CACNA1G: variants seen among roughly 807,000 people sequenced by gnomAD.
CACNA1G encodes calcium voltage-gated channel subunit alpha1 G.
A neutral mutation model predicts 219.4 loss-of-function variants in CACNA1G; 67 were observed. The observed-to-expected ratio is 0.31, with a 90% confidence interval of 0.25 to 0.37. The LOEUF (loss-of-function observed/expected upper bound fraction) is 0.37. Among genes scored for constraint, CACNA1G ranks in the 10% least tolerant of loss-of-function variants. The probability of loss-of-function intolerance (pLI) is 1.00; values close to 1 mark genes in which losing one functional copy is unlikely to be tolerated. For missense variants in CACNA1G, 2,380 were observed against 3,231.4 expected, an observed-to-expected ratio of 0.74 and a Z score of 6.39; for synonymous variants, 1,296 against 1,345.3, an observed-to-expected ratio of 0.96 and a Z score of 0.80.
chr17:50,610,186 C>A, intron 26 of CACNA1G, among the ~76,000 whole-genome samples: 1 of 152,202 alleles, frequency 6.6e-6, no homozygotes, highest in East Asian at 1.9e-4. Flanking sequence ...CTTCCTTGGC[C>A]GGCCAAGCTC....
chr17:50,619,631 C>A, intron 33 of CACNA1G, 52 bp from the exon 34 acceptor site: 1 of 1,568,720 alleles, frequency 6.4e-7, no homozygotes, highest in Non-Finnish European at 8.6e-7. Flanking sequence ...TCACTGCCCT[C>A]TGACCCCTGC....
chr17:50,569,772 G>T lies in CACNA1G; in HGVS notation c.555G>T (p.Leu185=). The change falls in exon 4 of 38, where the codon CTG becomes CTT. Residue 185 remains leucine, a synonymous_variant. Coordinates refer to ENST00000359106, the MANE Select transcript of CACNA1G (RefSeq NM_018896.5). The stretch of plus-strand genomic sequence containing the variant: ...CAGCTGTCAGGACAGTCCGTGTGCT[G>T]CGACCGCTCAGGGCCATTAACCGGG... The part of the protein sequence containing the change: ...SFSAVRTVRV[L]RPLRAINRVP... The T allele has an allele frequency of 6.4e-7, 1 of 1,550,824 alleles. No individual in the cohort carries two copies. Among genetic ancestry groups the T allele is most frequent in the South Asian group, 1.2e-5 (1 of 84,060 alleles).
intron 28 of CACNA1G, 53 bp downstream of exon 28, chr17:50,616,437 A>G: frequency 9.1e-7 from 1 of 1,094,182 alleles, no homozygotes; most frequent in Non-Finnish European, 1.4e-6. Context: ...GAAAGGAATG[A>G]GTCTCTTGGG....
rs2047456434 is a variant in CACNA1G at position 50,604,287 on chromosome 17, TG to T, written c.4296+10del. ...TCGGCATCTTGGGGGTGCAGGTGTG[TG>T]GGGTTCTGGGGGCCAGCTGTGGGTG... On this transcript the variant is annotated splice_region_variant and intron_variant, in intron 22 of 37. Coordinates refer to ENST00000359106, the MANE Select transcript of CACNA1G (RefSeq NM_018896.5). 8 of 1,612,778 alleles carry T rather than the reference TG, an allele frequency of 5.0e-6. No homozygotes were observed. The highest frequency in any genetic ancestry group is 5.9e-6 in the Non-Finnish European group (7 of 1,179,006).
intron 9 of CACNA1G, among the ~76,000 whole-genome samples, chr17:50,586,529 C>T (rs781032783): frequency 1.3e-5 from 2 of 152,220 alleles, no homozygotes; most frequent in African/African-American, 2.4e-5. Context: ...GGTTTTGCCC[C>T]CAGTGTGGTG....
chr17:50,563,471 G>A (rs2036658709), intron 1 of CACNA1G, among the ~76,000 whole-genome samples: 1 of 152,228 alleles, frequency 6.6e-6, no homozygotes, highest in Non-Finnish European at 1.5e-5. Context: ...ATGGGAAAAA[G>A]CATCAACCTC....
chr17:50,622,058 T>C (rs2052250930), intron 35 of CACNA1G, among the ~76,000 whole-genome samples: 2 of 152,102 alleles, frequency 1.3e-5, no homozygotes, highest in Non-Finnish European at 2.9e-5. Flanking sequence ...GCAGCCATTA[T>C]GAAAAAGTGA....
intron 17 of CACNA1G, 129 bp downstream of exon 17, chr17:50,599,988 G>C: frequency 1.1e-6 from 1 of 923,016 alleles, no homozygotes; most frequent in Non-Finnish European, 1.6e-6. Context: ...CCTAGAAACC[G>C]AGCTCCAAAC....
At chr17:50,586,538 T>C (rs1217770644) in intron 9 of CACNA1G, among the ~76,000 whole-genome samples, 1 of 152,010 alleles carries the variant, frequency 6.6e-6, no homozygotes, top group Non-Finnish European at 1.5e-5. Context: ...CCCAGTGTGG[T>C]GTTTAGTTGC....
At chr17:50,597,028 T>C (rs1161156933) in intron 16 of CACNA1G, 105 bp downstream of exon 16, 2 of 1,058,770 alleles carry the variant, frequency 1.9e-6, no homozygotes, top group Non-Finnish European at 2.7e-6. Context: ...CCCTGCCCCA[T>C]GGGCTGGATG....
Position 50,617,266 on chromosome 17 carries a change from C to T in CACNA1G, c.5022-172C>T, listed in dbSNP as rs1051183425. On this transcript the variant is annotated intron_variant, in intron 28 of 37. Transcript: ENST00000359106. This position sits in a 1 kb window ranked among gnomAD's most constrained non-coding sequence, Gnocchi z 5.8. ...AGCTAAAGTCCTAGTCCTACTCGTG[C>T]CACCAGTTGGCTGTGTGGCCTTAGA... is the stretch of plus-strand genomic sequence containing the variant. Among the ~76,000 whole-genome samples the T allele has an allele frequency of 7.2e-5, 11 of 152,210 alleles. No individual in the cohort carries two copies. The highest frequency in any genetic ancestry group is 2.7e-4 in the African/African-American group (11 of 41,450).
At chr17:50,564,907 C>A (rs903134638) in intron 1 of CACNA1G, among the ~76,000 whole-genome samples, 1 of 152,140 alleles carries the variant, frequency 6.6e-6, no homozygotes, top group African/African-American at 2.4e-5. Flanking sequence ...GCCCACTTTC[C>A]TTCTGGGTCA....
chr17:50,576,098 G>T lies in CACNA1G; in HGVS notation c.1696G>T (p.Val566Phe), dbSNP rs1394290610. The change falls in exon 8 of 38, where the codon GTC (valine) becomes TTC (phenylalanine). Residue 566 changes from valine (V) to phenylalanine (F), a missense_variant. Around this residue, in one of 17 missense-constraint regions of CACNA1G, gnomAD observed 434 missense variants for 417.3 expected, o/e 1.04. Transcript: ENST00000359106. ...FYHADCHLEP[V>F]RCQAPPPRSP... is the part of the protein sequence containing the mutation. Reference sequence around the variant, plus strand: ...CCATGCCGACTGCCACTTAGAGCCAGTCCGCTGCCAGGCGCCCCCTCCCAG... The same window carrying T: ...CCATGCCGACTGCCACTTAGAGCCATTCCGCTGCCAGGCGCCCCCTCCCAG... 6.3e-7 allele frequency: 1 copy of T among 1,593,192 alleles called. No homozygotes were observed. The highest frequency in any genetic ancestry group is 8.5e-7 in the Non-Finnish European group (1 of 1,170,966).
rs748572449 is a variant in CACNA1G, at chr17:50,607,808, C to T, written c.4513-19C>T. On this transcript the variant is annotated intron_variant, in intron 24 of 37. Transcript: ENST00000359106. Reference sequence around the variant, plus strand: ...CCCTCGGGCTGATGCCTCCGCCTGTCCTTCCTGCTCCCCGCCAGCCCATCA... The same window carrying T: ...CCCTCGGGCTGATGCCTCCGCCTGTTCTTCCTGCTCCCCGCCAGCCCATCA... The T allele has an allele frequency of 3.1e-6, 5 of 1,610,484 alleles. No individual in the cohort carries two copies. The East Asian group carries it at 6.7e-5, about 22-fold the overall frequency.
Position 50,572,627 on chromosome 17 carries a change from C to T in CACNA1G, c.820C>T (p.Pro274Ser), listed in dbSNP as rs1408305537. Reference protein sequence around the residue: ...EDESPFICSQPRENGMRSCRS... With the variant: ...EDESPFICSQSRENGMRSCRS... Reference sequence around the variant, plus strand: ...TGAGAGCCCCTTCATCTGCTCCCAGCCACGCGAGAACGGCATGCGGTCCTG... The same window carrying T: ...TGAGAGCCCCTTCATCTGCTCCCAGTCACGCGAGAACGGCATGCGGTCCTG... Residue 274 changes from proline to serine, a missense_variant, in exon 6 of 38, where the codon CCA (proline) becomes TCA (serine). Physicochemically the swap from Pro to Ser is moderately conservative, Grantham distance 74. Coordinates refer to ENST00000359106, the MANE Select transcript of CACNA1G (RefSeq NM_018896.5). 6.3e-7 allele frequency: 1 copy of T among 1,596,766 alleles called. No homozygotes were observed. Among genetic ancestry groups the T allele is most frequent in the Admixed American group, 1.8e-5 (1 of 56,994 alleles).
intron 26 of CACNA1G, among the ~76,000 whole-genome samples, chr17:50,610,437 T>C (rs538722893): frequency 4.5e-4 from 68 of 152,270 alleles, no homozygotes; most frequent in Non-Finnish European, 8.4e-4. Context: ...ACAGCAGGAA[T>C]TGGGAATCAA....
chr17:50,619,126 G>T lies in CACNA1G; in HGVS notation c.5781+118G>T, dbSNP rs180683031. On this transcript the variant is annotated intron_variant, in intron 33 of 37. Coordinates refer to ENST00000359106, the MANE Select transcript of CACNA1G (RefSeq NM_018896.5). ...CCCTAGGCTCCTCCTGGAGGCTCCC[G>T]CCCTCCGTCCTGGATGCTGAGCGAG... 3.9e-6 allele frequency: 3 copies of T among 771,366 alleles called. No homozygotes were observed. In the East Asian group the frequency reaches 8.2e-5, roughly 21 times the overall value. The allele number at this position is 771,366 out of a possible 1,614,324, so 47.8% of individuals were successfully genotyped here.
chr17:50,609,360 A>G (rs1379344229), intron 25 of CACNA1G, among the ~76,000 whole-genome samples: 3 of 151,734 alleles, frequency 2.0e-5, no homozygotes, highest in African/African-American at 7.3e-5. Context: ...CACTATCAGC[A>G]CCCCCAAGGC....
chr17:50,604,341 G>T, intron 22 of CACNA1G, 60 bp downstream of exon 22: 1 of 1,586,380 alleles, frequency 6.3e-7, no homozygotes, highest in Admixed American at 1.7e-5. Context: ...CTTCCCCTTG[G>T]CCCCTGGGTC....
Sources: gnomAD v4.1 joint callset for allele counts (sites outside exome capture counted in the v4.1 genomes callset) on GRCh38, gnomAD v4.1.1 for gene constraint, gnomAD v4.1.1 regional missense constraint, Gnocchi (gnomAD v3.1) non-coding constraint, MANE v1.5 for transcripts, NCBI Gene and HGNC (gene_info 2026-07-23, HGNC 2026-07-21) for gene names.